MTURN: variants seen among roughly 807,000 people sequenced by gnomAD.
MTURN encodes the protein maturin, neural progenitor differentiation regulator homolog, also known as maturin.
MTURN carries 7 observed loss-of-function variants against 14.9 expected under a neutral mutation model. The observed-to-expected ratio is 0.47, with a 90% CI of 0.27 to 0.88. The LOEUF (loss-of-function observed/expected upper bound fraction) is 0.88. Ranked by LOEUF, MTURN falls within the 40% of genes least tolerant of loss-of-function variation. The pLI is 0.14. For missense variants in MTURN, 151 were observed against 174.1 expected, an observed-to-expected ratio of 0.87 and a Z score of 0.75; for synonymous variants, 69 against 72.5, an observed-to-expected ratio of 0.95 and a Z score of 0.25.
chr7:30,152,137 C>CT (rs967905660), intron 2 of MTURN, among the ~76,000 whole-genome samples: 3 of 144,740 alleles, frequency 2.1e-5, no homozygotes, highest in African/African-American at 8.0e-5. Flanking sequence ...GACAGTTTAT[C>CT]TTTTTTTTCT....
Position 30,159,258 on chromosome 7 carries a change from T to TA in MTURN, c.*1711dup, listed in dbSNP as rs1242507316. The TA allele has an allele frequency of 6.6e-6, 1 of 152,222 alleles. No homozygotes were observed. Among genetic ancestry groups the TA allele is most frequent in the African/African-American group, 2.4e-5 (1 of 41,456 alleles). 9.4% of individuals were successfully genotyped at this position (152,222 alleles called of 1,614,324 possible). A position where few individuals can be genotyped will look rare whatever the true frequency, so the allele number is the denominator to read the frequency against. ...TGTTTCATCCATTGGGGTGAGCATATACTGCCCTTTGCAGCCCTGCCTGTG... is the reference window on the plus strand; with the variant it reads ...TGTTTCATCCATTGGGGTGAGCATATAACTGCCCTTTGCAGCCCTGCCTGTG... On this transcript the variant is annotated 3_prime_UTR_variant, in exon 3 of 3. Transcript: ENST00000324453.
chr7:30,142,783 C>T (rs922686750), intron 1 of MTURN, among the ~76,000 whole-genome samples: 18 of 152,202 alleles, frequency 1.2e-4, no homozygotes, highest in African/African-American at 1.9e-4. Flanking sequence ...CCAAGGGAGT[C>T]CTGCAGGCTG....
chr7:30,135,361 G>C (rs2128028836), intron 1 of MTURN, 63 bp downstream of exon 1: 1 of 1,402,642 alleles, frequency 7.1e-7, no homozygotes, highest in South Asian at 1.4e-5. Context: ...GTGCGTCCCT[G>C]CGCCCGAGCT....
At chr7:30,153,679 A>C (rs924614509) in intron 2 of MTURN, among the ~76,000 whole-genome samples, 3 of 152,218 alleles carry the variant, frequency 2.0e-5, no homozygotes, top group Non-Finnish European at 2.9e-5. Context: ...AATTCTGCTT[A>C]AGACAGTGCA....
intron 1 of MTURN, among the ~76,000 whole-genome samples, chr7:30,135,755 G>C (rs1316344065): frequency 2.6e-5 from 4 of 152,196 alleles, no homozygotes; most frequent in Non-Finnish European, 4.4e-5. Flanking sequence ...CGTCCCGTCC[G>C]GGATAGGAAT....
intron 2 of MTURN, among the ~76,000 whole-genome samples, chr7:30,148,076 G>A (rs1797154352): frequency 6.6e-6 from 1 of 152,216 alleles, no homozygotes; most frequent in South Asian, 2.1e-4. Flanking sequence ...ACGTAATGTC[G>A]TGAAATGATG....
chr7:30,145,269 G>A (rs1327842618), intron 1 of MTURN, among the ~76,000 whole-genome samples: 1 of 152,142 alleles, frequency 6.6e-6, no homozygotes, highest in Non-Finnish European at 1.5e-5. Context: ...CCAGCAATTT[G>A]GGAGGCTGAG....
chr7:30,137,642 T>G, intron 1 of MTURN: 1 of 471,226 alleles, frequency 2.1e-6, no homozygotes, highest in Non-Finnish European at 4.4e-6. Flanking sequence ...ATGGACAAGA[T>G]GCCAACCTCG....
chr7:30,148,853 C>T (rs1480023874), intron 2 of MTURN, among the ~76,000 whole-genome samples: 1 of 152,082 alleles, frequency 6.6e-6, no homozygotes, highest in Admixed American at 6.5e-5. Flanking sequence ...TGTTAGACAT[C>T]GAAGAAGGGA....
chr7:30,146,126 GT>G, intron 1 of MTURN, 50 bp from the exon 2 acceptor site: 1 of 1,611,862 alleles, frequency 6.2e-7, no homozygotes, highest in Non-Finnish European at 8.5e-7. Context: ...CACACTGAGT[GT>G]AGTGACTGTG....
At chr7:30,144,059 CT>C (rs959528157) in intron 1 of MTURN, among the ~76,000 whole-genome samples, 18 of 152,336 alleles carry the variant, frequency 1.2e-4, no homozygotes, top group African/African-American at 4.3e-4. Context: ...TGACCATAGC[CT>C]TGTGGCAGAT....
In MTURN at chr7:30,162,067, G is replaced by A. The variant is rs1475313062; in HGVS notation, c.*4519G>A. 6.6e-6 allele frequency: 1 copy of A among 151,918 alleles called. No homozygotes were observed. Among genetic ancestry groups the A allele is most frequent in the African/African-American group, 2.4e-5 (1 of 41,354 alleles). 9.4% of individuals were successfully genotyped at this position (151,918 alleles called of 1,614,324 possible). A position where few individuals can be genotyped will look rare whatever the true frequency, so the allele number is the denominator to read the frequency against. The stretch of plus-strand genomic sequence containing the variant: ...GATTACGAAAATATAGTACCCATGA[G>A]CATTTCATGTTAGAAACCCCATTTA... On this transcript the variant is annotated 3_prime_UTR_variant, in exon 3 of 3. Transcript: ENST00000324453.
At chr7:30,138,482 T>C (rs781104343) in intron 1 of MTURN, among the ~76,000 whole-genome samples, 25 of 152,108 alleles carry the variant, frequency 1.6e-4, no homozygotes, top group Non-Finnish European at 3.5e-4. Context: ...GCAGAGTTGT[T>C]TGAGAAAGGT....
rs1797369722 is a variant in MTURN, at chr7:30,161,242, G to A, written c.*3694G>A. 6.6e-6 allele frequency: 1 copy of A among 152,570 alleles called. No homozygotes were observed. The highest frequency in any genetic ancestry group is 6.5e-5 in the Admixed American group (1 of 15,302). 9.5% of individuals were successfully genotyped at this position (152,570 alleles called of 1,614,324 possible). The stretch of plus-strand genomic sequence containing the variant: ...GAATAGGCAGGACTTAACTTGGGGT[G>A]GGAGGAGATGAATAAGGGAGAATGG... On this transcript the variant is annotated 3_prime_UTR_variant, in exon 3 of 3. Transcript: ENST00000324453.
In MTURN at chr7:30,159,544, C is replaced by G. The variant is rs1438137400; in HGVS notation, c.*1996C>G. On this transcript the variant is annotated 3_prime_UTR_variant, in exon 3 of 3. Transcript: ENST00000324453. ...GTATTTTATCAAAAAAGTGTTTAGACTTTGACCAAATACATGTTGGTATTA... is the reference window on the plus strand; with the variant it reads ...GTATTTTATCAAAAAAGTGTTTAGAGTTTGACCAAATACATGTTGGTATTA... The G allele has an allele frequency of 6.6e-6, 1 of 152,566 alleles. No individual in the cohort carries two copies. Among genetic ancestry groups the G allele is most frequent in the Non-Finnish European group, 1.5e-5 (1 of 68,022 alleles). The allele number at this position is 152,566 out of a possible 1,614,324, so 9.5% of individuals were successfully genotyped here.
chr7:30,136,773 T>G (rs912589124), intron 1 of MTURN, among the ~76,000 whole-genome samples: 1 of 152,178 alleles, frequency 6.6e-6, no homozygotes, highest in African/African-American at 2.4e-5. Flanking sequence ...ATACCCACCC[T>G]GAGCTCAGTT....
intron 1 of MTURN, among the ~76,000 whole-genome samples, chr7:30,138,795 A>G (rs557099123): frequency 4.8e-4 from 73 of 152,230 alleles, no homozygotes; most frequent in Middle Eastern, 6.8e-3. Flanking sequence ...AAGCCCCCAC[A>G]TGATCTACCT....
intron 1 of MTURN, among the ~76,000 whole-genome samples, chr7:30,136,632 A>G (rs1796967006): frequency 1.3e-5 from 2 of 151,960 alleles, no homozygotes; most frequent in South Asian, 2.1e-4. Flanking sequence ...CCGATAAAGC[A>G]TTCCCTCCGC....
rs1796926947 is a variant in MTURN, at chr7:30,135,251, G to T, written c.115G>T (p.Val39Phe). Residue 39 changes from valine to phenylalanine, a missense_variant, in exon 1 of 3, where the codon GTC becomes TTC. By Grantham distance (50) the Val-to-Phe change is conservative (BLOSUM62 -1). Coordinates refer to ENST00000324453, the MANE Select transcript of MTURN (RefSeq NM_152793.3). ...RRMDFYADPG[V>F]SFYVLCPDNG... ...GATGGATTTCTACGCCGACCCCGGC[G>T]TCTCCTTCTATGTGCTGTGTCCGGA... 6.6e-7 allele frequency: 1 copy of T among 1,520,966 alleles called. No individual in the cohort carries two copies. The allele number at this position is 1,520,966 out of a possible 1,614,324, so 94.2% of individuals were successfully genotyped here.
Sources: allele counts gnomAD v4.1 joint callset (sites outside exome capture counted in the v4.1 genomes callset), GRCh38; gene constraint gnomAD v4.1.1; transcripts MANE v1.5; gene names NCBI Gene and HGNC (gene_info 2026-07-23, HGNC 2026-07-21).